PTPRT: variants seen among roughly 807,000 people sequenced by gnomAD.
The protein encoded by PTPRT is receptor-type tyrosine-protein phosphatase T.
Under a neutral mutation model 176.8 loss-of-function variants are expected in PTPRT, and 56 were observed. That is an observed-to-expected ratio of 0.32 (90% CI 0.26 to 0.40). The LOEUF (loss-of-function observed/expected upper bound fraction) is 0.40. PTPRT is among the 10% of genes least tolerant of loss of function. The probability of loss-of-function intolerance (pLI) is 1.00; values close to 1 mark genes in which losing one functional copy is unlikely to be tolerated. For missense variants in PTPRT, 1,540 were observed against 1,908.2 expected (o/e 0.81, Z 3.60); for synonymous variants, 783 against 739.0 (o/e 1.06, Z -0.96).
intron 1 of PTPRT, among the ~76,000 whole-genome samples, chr20:43,181,835 C>T (rs147800812): frequency 2.0e-5 from 3 of 152,160 alleles, no homozygotes; most frequent in African/African-American, 7.2e-5. Context: ...CAAACCAAGA[C>T]GTGGGCCTGA....
At position 43,055,343 on chromosome 20, in the gene PTPRT, T is replaced by C. The variant is rs1272795618; in HGVS notation, c.88+134303A>G. Among the ~76,000 whole-genome samples, 3 of 152,192 alleles carry C rather than the reference T, an allele frequency of 2.0e-5. No homozygotes were observed. The East Asian group carries it at 5.8e-4, about 29-fold the overall frequency. ...AGCACATAAGTTTAGCTTGGCCTCC[T>C]TCAGTTCCTGTCAACTAAGGGGGCA... is the stretch of plus-strand genomic sequence containing the variant. On this transcript the variant is annotated intron_variant, in intron 1 of 30. Coordinates refer to ENST00000373187, the MANE Select transcript of PTPRT (RefSeq NM_007050.6).
At chr20:43,111,930 T>C (rs1249928814) in intron 1 of PTPRT, among the ~76,000 whole-genome samples, 1 of 152,168 alleles carries the variant, frequency 6.6e-6, no homozygotes, top group African/African-American at 2.4e-5. Context: ...TCGGATGTCA[T>C]GGTTTAGTGC....
intron 2 of PTPRT, among the ~76,000 whole-genome samples, chr20:42,841,852 A>G (rs8119774): frequency 0.087 from 13,271 of 152,300 alleles, 706 homozygotes; most frequent in Admixed American, 0.15. Context: ...GCTTCAATCT[A>G]GCTGAAGCCA....
At chr20:42,465,617 A>AT (rs1214201227) in intron 8 of PTPRT, among the ~76,000 whole-genome samples, 1 of 152,146 alleles carries the variant, frequency 6.6e-6, no homozygotes, top group Non-Finnish European at 1.5e-5. Flanking sequence ...AGTATTACAT[A>AT]TTTTTTTGCA....
chr20:42,082,618 G>T (rs1983451083), intron 29 of PTPRT, among the ~76,000 whole-genome samples: 1 of 152,208 alleles, frequency 6.6e-6, no homozygotes, highest in Admixed American at 6.5e-5. Flanking sequence ...ATCTTAAAAT[G>T]ACAGGTCTCT....
At chr20:43,073,562 A>G (rs1252880453) in intron 1 of PTPRT, among the ~76,000 whole-genome samples, 2 of 151,752 alleles carry the variant, frequency 1.3e-5, no homozygotes, top group African/African-American at 2.4e-5. Context: ...TTTTATATAT[A>G]TAAATATATT....
intron 15 of PTPRT, among the ~76,000 whole-genome samples, chr20:42,208,680 C>G (rs1326568308): frequency 6.6e-6 from 1 of 151,970 alleles, no homozygotes; most frequent in African/African-American, 2.4e-5. Flanking sequence ...CTTAGACTCC[C>G]ACACATTAAT....
At chr20:42,098,860 T>C (rs1446643647) in intron 26 of PTPRT, among the ~76,000 whole-genome samples, 2 of 152,242 alleles carry the variant, frequency 1.3e-5, no homozygotes, top group Non-Finnish European at 2.9e-5. Flanking sequence ...AGATTTCAGA[T>C]GCAGATTTGT....
chr20:43,101,547 G>A (rs1600714225), intron 1 of PTPRT, among the ~76,000 whole-genome samples: 1 of 152,078 alleles, frequency 6.6e-6, no homozygotes, highest in Admixed American at 6.5e-5. Flanking sequence ...CCACAGTACA[G>A]GTAGTAAATT....
At chr20:42,299,231 T>C (rs150131416) in intron 12 of PTPRT, among the ~76,000 whole-genome samples, 135 of 152,292 alleles carry the variant, frequency 8.9e-4, no homozygotes, top group East Asian at 7.5e-3. Context: ...AGAACCACGT[T>C]ATAATGTTTT....
intron 7 of PTPRT, among the ~76,000 whole-genome samples, chr20:42,667,989 G>C (rs1239297960): frequency 2.0e-5 from 3 of 152,168 alleles, no homozygotes; most frequent in African/African-American, 7.2e-5. Flanking sequence ...TATTGGGATA[G>C]AATTCTGGAT....
chr20:42,907,086 TA>T (rs1176574085), intron 1 of PTPRT, among the ~76,000 whole-genome samples: 1 of 151,272 alleles, frequency 6.6e-6, no homozygotes. Flanking sequence ...GGGGAAAAAA[TA>T]AGAATTATTA....
chr20:42,640,632 C>T (rs932870303), intron 7 of PTPRT, among the ~76,000 whole-genome samples: 1 of 152,080 alleles, frequency 6.6e-6, no homozygotes, highest in Non-Finnish European at 1.5e-5. Context: ...CCGCCTCAGC[C>T]TCCCAAAGTG....
At chr20:42,669,515 C>T (rs1403640492) in intron 7 of PTPRT, among the ~76,000 whole-genome samples, 1 of 152,152 alleles carries the variant, frequency 6.6e-6, no homozygotes, top group Non-Finnish European at 1.5e-5. Context: ...TGTGTTCATA[C>T]TACCCTCCTG....
At chr20:43,148,813 T>C (rs1466387249) in intron 1 of PTPRT, among the ~76,000 whole-genome samples, 1 of 152,156 alleles carries the variant, frequency 6.6e-6, no homozygotes, top group Admixed American at 6.5e-5. Context: ...CCTTTTTTCA[T>C]AGGCAAGAAA....
chr20:42,324,119 G>A (rs1018851907), intron 11 of PTPRT, among the ~76,000 whole-genome samples: 7 of 152,088 alleles, frequency 4.6e-5, no homozygotes, highest in African/African-American at 1.7e-4. Context: ...CCATCCAAAT[G>A]TTTATCAACC....
intron 7 of PTPRT, among the ~76,000 whole-genome samples, chr20:42,628,630 C>A (rs1039060798): frequency 1.1e-3 from 174 of 152,040 alleles, no homozygotes; most frequent in African/African-American, 4.0e-3. Context: ...ACTTAATATA[C>A]AATATCTGAT....
chr20:42,563,965 C>T (rs1037067782), intron 7 of PTPRT, among the ~76,000 whole-genome samples: 4 of 152,300 alleles, frequency 2.6e-5, no homozygotes, highest in Non-Finnish European at 2.9e-5. Context: ...CTCCTTCTAT[C>T]GGTGGCTCCA....
intron 7 of PTPRT, among the ~76,000 whole-genome samples, chr20:42,493,670 C>G (rs948243362): frequency 1.3e-5 from 2 of 152,134 alleles, no homozygotes; most frequent in Non-Finnish European, 1.5e-5. Context: ...TGACATTTCA[C>G]GTAGCCCCAC....
Sources: gnomAD v4.1 joint callset for allele counts (sites outside exome capture counted in the v4.1 genomes callset) on GRCh38, gnomAD v4.1.1 for gene constraint, MANE v1.5 for transcripts, NCBI Gene and HGNC (gene_info 2026-07-23, HGNC 2026-07-21) for gene names.